Variants in SPATS2 observed in about 807,000 individuals in gnomAD.
The protein encoded by SPATS2 is spermatogenesis-associated serine-rich protein 2.
In SPATS2, 38 loss-of-function variants were observed where a neutral mutation model predicts 63.7. That is an observed-to-expected ratio of 0.60 (90% CI 0.46 to 0.78). SPATS2 has a LOEUF of 0.78. SPATS2 is among the 30% of genes least tolerant of loss of function. The pLI is 0.00. For missense variants in SPATS2, 588 were observed against 666.2 expected, an observed-to-expected ratio of 0.88 and a Z score of 1.29; for synonymous variants, 207 against 232.9, an observed-to-expected ratio of 0.89 and a Z score of 1.01.
chr12:49,409,895 G>T (rs892744428), intron 2 of SPATS2, among the ~76,000 whole-genome samples: 2 of 152,020 alleles, frequency 1.3e-5, no homozygotes, highest in Non-Finnish European at 2.9e-5. Flanking sequence ...GACCCACCAG[G>T]CCCAGCTGTA....
intron 3 of SPATS2, among the ~76,000 whole-genome samples, chr12:49,462,038 A>G (rs1465970917): frequency 6.6e-6 from 1 of 152,224 alleles, no homozygotes; most frequent in Non-Finnish European, 1.5e-5. Flanking sequence ...TCACCCTGCA[A>G]ATGAGAAATA....
At chr12:49,445,579 G>A (rs1219187824) in intron 2 of SPATS2, among the ~76,000 whole-genome samples, 5 of 152,026 alleles carry the variant, frequency 3.3e-5, no homozygotes, top group South Asian at 4.2e-4. Context: ...GTGTAGTGGC[G>A]CGATCTTGGG....
At chr12:49,419,241 T>C (rs1255935705) in intron 2 of SPATS2, among the ~76,000 whole-genome samples, 1 of 152,260 alleles carries the variant, frequency 6.6e-6, no homozygotes, top group Non-Finnish European at 1.5e-5. Context: ...TTTTAAGACT[T>C]ACAATATAGT....
chr12:49,438,602 A>G lies in SPATS2; in HGVS notation c.-243-22168A>G, dbSNP rs191206552. On this transcript the variant is annotated intron_variant, in intron 2 of 13. Coordinates refer to ENST00000552918, the MANE Select transcript of SPATS2 (RefSeq NM_023071.4). ...ATCCTGACCAAACTTGGTATTGTCT[A>G]TTTTTAAAAAATTTTAGCCTTTCCT... Among the ~76,000 whole-genome samples the G allele has an allele frequency of 9.8e-5, 15 of 152,286 alleles. No homozygotes were observed. In the East Asian group the frequency reaches 2.7e-3, roughly 27 times the overall value.
chr12:49,409,298 G>T (rs563972398), intron 2 of SPATS2, among the ~76,000 whole-genome samples: 2 of 152,080 alleles, frequency 1.3e-5, no homozygotes, highest in East Asian at 1.9e-4. Flanking sequence ...AGTTTTTTTT[G>T]TTGTTGTTTT....
At chr12:49,477,807 C>G (rs1946143218) in intron 3 of SPATS2, among the ~76,000 whole-genome samples, 1 of 151,958 alleles carries the variant, frequency 6.6e-6, no homozygotes, top group Non-Finnish European at 1.5e-5. Flanking sequence ...AAACTTGATT[C>G]CCTATTATTT....
At chr12:49,484,954 G>A (rs1378468159) in intron 4 of SPATS2, among the ~76,000 whole-genome samples, 1 of 152,168 alleles carries the variant, frequency 6.6e-6, no homozygotes, top group Non-Finnish European at 1.5e-5. Flanking sequence ...TTATGTGGCT[G>A]AGTGTATCTC....
intron 2 of SPATS2, among the ~76,000 whole-genome samples, chr12:49,434,680 A>G (rs1945242752): frequency 6.6e-6 from 1 of 152,198 alleles, no homozygotes; most frequent in Non-Finnish European, 1.5e-5. Context: ...TTCAGGAGTC[A>G]TAGTACTAGG....
chr12:49,381,041 C>T (rs1483988776), intron 2 of SPATS2, among the ~76,000 whole-genome samples: 1 of 140,134 alleles, frequency 7.1e-6, no homozygotes. Context: ...ACATCCTTGT[C>T]AACATTTGTT....
chr12:49,484,018 A>T (rs959047063), intron 3 of SPATS2, among the ~76,000 whole-genome samples: 1 of 152,258 alleles, frequency 6.6e-6, no homozygotes, highest in Non-Finnish European at 1.5e-5. Flanking sequence ...TTGTAAGTAC[A>T]GAGAAACCAG....
intron 7 of SPATS2, among the ~76,000 whole-genome samples, chr12:49,495,486 C>T (rs1055563953): frequency 5.3e-5 from 8 of 152,098 alleles, no homozygotes; most frequent in African/African-American, 1.4e-4. Context: ...CGTTGCCCAC[C>T]GCGCCTGGCT....
At chr12:49,387,656 AAAAG>A (rs1944341412) in intron 2 of SPATS2, among the ~76,000 whole-genome samples, 1 of 151,192 alleles carries the variant, frequency 6.6e-6, no homozygotes, top group Non-Finnish European at 1.5e-5. Flanking sequence ...AAAAAAAAAA[AAAAG>A]AATGTGGGAG....
intron 2 of SPATS2, chr12:49,442,372 G>A (rs1391256562): frequency 6.5e-6 from 1 of 152,770 alleles, no homozygotes; most frequent in African/African-American, 2.4e-5. Flanking sequence ...TGTGCAAGAA[G>A]GGAGACTAGG....
intron 2 of SPATS2, among the ~76,000 whole-genome samples, chr12:49,439,893 CAA>C (rs1945385609): frequency 6.6e-6 from 1 of 152,114 alleles, no homozygotes; most frequent in South Asian, 2.1e-4. Flanking sequence ...GCTACGAGAG[CAA>C]AGAGGAGTTT....
In SPATS2 at chr12:49,469,114, A is replaced by G. The variant is rs553655483; in HGVS notation, c.25+8077A>G. On this transcript the variant is annotated intron_variant, in intron 3 of 13. Coordinates refer to ENST00000552918, the MANE Select transcript of SPATS2 (RefSeq NM_023071.4). ...CTCTACAAAAAAATAAAATAAATTAATGGCCAGGCACAGTGGTTCACGCCT... is the reference window on the plus strand; with the variant it reads ...CTCTACAAAAAAATAAAATAAATTAGTGGCCAGGCACAGTGGTTCACGCCT... Among the ~76,000 whole-genome samples, 15 of 151,998 alleles carry G rather than the reference A, an allele frequency of 9.9e-5. No homozygotes were observed. The South Asian group carries it at 1.0e-3, about 11-fold the overall frequency.
At chr12:49,453,174 A>AG (rs1555185956) in intron 2 of SPATS2, among the ~76,000 whole-genome samples, 5 of 151,856 alleles carry the variant, frequency 3.3e-5, no homozygotes, top group African/African-American at 7.3e-5. Flanking sequence ...AAAAAAAAAA[A>AG]AAAGAAATTT....
chr12:49,390,496 T>C (rs1449109783), intron 2 of SPATS2, among the ~76,000 whole-genome samples: 1 of 152,204 alleles, frequency 6.6e-6, no homozygotes, highest in Non-Finnish European at 1.5e-5. Flanking sequence ...TGAGAATTCA[T>C]AAAATTATAT....
intron 2 of SPATS2, among the ~76,000 whole-genome samples, chr12:49,400,768 A>G (rs1382200808): frequency 1.3e-5 from 2 of 152,238 alleles, no homozygotes; most frequent in African/African-American, 4.8e-5. Flanking sequence ...TGGGAGAATG[A>G]ATGGATGAGG....
chr12:49,515,835 C>T (rs528937066), intron 10 of SPATS2, among the ~76,000 whole-genome samples: 1 of 151,804 alleles, frequency 6.6e-6, no homozygotes, highest in Admixed American at 6.6e-5. Context: ...AGTGAAACCT[C>T]GTCTCTACAA....
Sources: gnomAD v4.1 joint callset for allele counts (sites outside exome capture counted in the v4.1 genomes callset) on GRCh38, gnomAD v4.1.1 for gene constraint, MANE v1.5 for transcripts, NCBI Gene and HGNC (gene_info 2026-07-23, HGNC 2026-07-21) for gene names.